The following SCAP variants were observed in gnomAD, a reference collection of about 807,000 sequenced individuals.
SCAP encodes SREBF chaperone.
Under a neutral mutation model 123.6 loss-of-function variants are expected in SCAP, and 65 were observed. That is an observed-to-expected ratio of 0.53 (90% CI 0.43 to 0.65). The LOEUF (loss-of-function observed/expected upper bound fraction) is 0.65. Ranked by LOEUF, SCAP falls within the 30% of genes least tolerant of loss-of-function variation. SCAP has a pLI of 0.00. For missense variants in SCAP, 1,398 were observed against 1,712.5 expected, an observed-to-expected ratio of 0.82 and a Z score of 3.24; for synonymous variants, 740 against 726.3, an observed-to-expected ratio of 1.02 and a Z score of -0.30.
chr3:47,427,592 G>A lies in SCAP; in HGVS notation c.486C>T (p.Asn162=). The A allele has an allele frequency of 6.2e-7, 1 of 1,614,164 alleles. No homozygotes were observed. The highest frequency in any genetic ancestry group is 8.5e-7 in the Non-Finnish European group (1 of 1,180,016). The change falls in exon 5 of 23, where the codon AAC becomes AAT. Residue 162 remains asparagine (N), a synonymous_variant. Transcript: ENST00000265565. ...DLLPGLRKLR[N]LLPEHGCLLL... ...GCAGGCATCCATGCTCAGGGAGTAG[G>A]TTCCTGAGCTTCCTAAGGCCTGGCA...
Position 47,414,944 on chromosome 3 carries a change from G to A in SCAP, c.3189C>T (p.Ser1063=), listed in dbSNP as rs532696783. 3.5e-5 allele frequency: 56 copies of A among 1,611,082 alleles called. No individual in the cohort carries two copies. Among genetic ancestry groups the A allele is most frequent in the Middle Eastern group, 1.7e-4 (1 of 6,050 alleles). ...GGGTCAGGTGACAGGCCACTGTGTC[G>A]CTGCTGCTGTACACTGGAGAGGCAG... ...SSPASPVYSS[S]DTVACHLTHT... Residue 1063 remains serine, a synonymous_variant, in exon 20 of 23, where the codon AGC becomes AGT. Coordinates refer to ENST00000265565, the MANE Select transcript of SCAP (RefSeq NM_012235.4).
Position 47,427,586 on chromosome 3 carries a change from G to T in SCAP, c.492C>A (p.Leu164=), listed in dbSNP as rs771778990. Residue 164 remains leucine, a synonymous_variant, in exon 5 of 23, where the codon CTC becomes CTA. Transcript: ENST00000265565. ...LPGLRKLRNL[L]PEHGCLLLSP... is the part of the protein sequence containing the mutation. ...ACAGCAGCAGGCATCCATGCTCAGG[G>T]AGTAGGTTCCTGAGCTTCCTAAGGC... The T allele has an allele frequency of 6.2e-7, 1 of 1,614,136 alleles. No homozygotes were observed. The highest frequency in any genetic ancestry group is 8.5e-7 in the Non-Finnish European group (1 of 1,180,010).
chr3:47,466,154 A>AAAAAAAAAAAAAG (rs1559571041), intron 1 of SCAP, among the ~76,000 whole-genome samples: 2 of 142,120 alleles, frequency 1.4e-5, no homozygotes, highest in African/African-American at 2.6e-5. Context: ...AAAAAAAAAA[A>AAAAAAAAAAAAAG]AAAGAAAGAA....
rs756683830 is a variant in SCAP at position 47,420,536 on chromosome 3, G to A, written c.1563+18C>T. ...GGCCCTCCAGAAGAGGGCAGGGCAG[G>A]GCAGGGGTGGCAGGTACCATGATGA... On this transcript the variant is annotated intron_variant, in intron 12 of 22. Coordinates refer to ENST00000265565, the MANE Select transcript of SCAP (RefSeq NM_012235.4). This position sits in a 1 kb window ranked among gnomAD's most constrained non-coding sequence, Gnocchi z 5.0. 2 of 1,576,674 alleles carry A rather than the reference G, an allele frequency of 1.3e-6. No homozygotes were observed. The highest frequency in any genetic ancestry group is 1.7e-6 in the Non-Finnish European group (2 of 1,161,246).
At position 47,418,459 on chromosome 3, in the gene SCAP, G is replaced by A. The variant is rs368756779; in HGVS notation, c.2193C>T (p.Arg731=). Residue 731 remains arginine, a synonymous_variant, in exon 15 of 23, where the codon CGC becomes CGT. Coordinates refer to ENST00000265565, the MANE Select transcript of SCAP (RefSeq NM_012235.4). ...GCCCGTAGTTGCGCGGGCATAGCAC[G>A]CGGTAGAGGCAGAGCAGCAGCAGCA... is the stretch of plus-strand genomic sequence containing the variant. The part of the protein sequence containing the change: ...VLVLLLLCLY[R]VLCPRNYGQL... 39 of 1,597,776 alleles carry A rather than the reference G, an allele frequency of 2.4e-5. No individual in the cohort carries two copies. The African/African-American group carries it at 2.9e-4, about 12-fold the overall frequency.
At chr3:47,463,560 G>C (rs1707723522) in intron 1 of SCAP, among the ~76,000 whole-genome samples, 1 of 152,020 alleles carries the variant, frequency 6.6e-6, no homozygotes, top group African/African-American at 2.4e-5. Context: ...AAATTAGCTG[G>C]GTGTGGTAGT....
At chr3:47,433,019 G>A (rs1350752147) in intron 3 of SCAP, among the ~76,000 whole-genome samples, 1 of 152,206 alleles carries the variant, frequency 6.6e-6, no homozygotes, top group Non-Finnish European at 1.5e-5. Flanking sequence ...GAAGCTGCTA[G>A]GGCCACTGTT....
chr3:47,464,451 G>T (rs1418383796), intron 1 of SCAP, among the ~76,000 whole-genome samples: 6 of 151,950 alleles, frequency 3.9e-5, no homozygotes, highest in Non-Finnish European at 8.8e-5. Flanking sequence ...TGCAAGGATG[G>T]TTTAACAAAA....
chr3:47,446,607 C>G (rs1035391368), intron 1 of SCAP, among the ~76,000 whole-genome samples: 1 of 151,946 alleles, frequency 6.6e-6, no homozygotes, highest in Non-Finnish European at 1.5e-5. Flanking sequence ...TAATTTTCCC[C>G]AATGTCTTCT....
Position 47,420,252 on chromosome 3 carries a change from C to T in SCAP, c.1563+302G>A, listed in dbSNP as rs1357119417. Among the ~76,000 whole-genome samples, 1 of 152,212 alleles carries T rather than the reference C, an allele frequency of 6.6e-6. No individual in the cohort carries two copies. The highest frequency in any genetic ancestry group is 6.5e-5 in the Admixed American group (1 of 15,282). The stretch of plus-strand genomic sequence containing the variant: ...AACCCGACCCAGGGCAATGTGGTGG[C>T]CACAAGTGGGTCCATCCCAGAGCAC... On this transcript the variant is annotated intron_variant, in intron 12 of 22. Coordinates refer to ENST00000265565, the MANE Select transcript of SCAP (RefSeq NM_012235.4). The surrounding 1 kb of genome is among the most constrained non-coding windows in gnomAD (Gnocchi z 5.0).
intron 14 of SCAP, 29 bp downstream of exon 14, chr3:47,418,626 T>TGCCCCC: frequency 3.4e-6 from 5 of 1,459,558 alleles, no homozygotes; most frequent in Non-Finnish European, 3.8e-6. Flanking sequence ...CCGCACTCTT[T>TGCCCCC]CCCACCCCAC....
chr3:47,417,942 GGGGAGA>G, intron 16 of SCAP, 116 bp from the exon 17 acceptor site: 1 of 332,598 alleles, frequency 3.0e-6, no homozygotes, highest in East Asian at 6.1e-5. Flanking sequence ...AAGGGGGTGG[GGGGAGA>G]GGGTGGTGCG....
intron 3 of SCAP, among the ~76,000 whole-genome samples, chr3:47,431,892 C>T (rs962366928): frequency 1.3e-5 from 2 of 151,970 alleles, no homozygotes; most frequent in Non-Finnish European, 2.9e-5. Flanking sequence ...ATTTTTTTGC[C>T]CAGGAGATTT....
Position 47,419,273 on chromosome 3 carries a change from G to A in SCAP, c.1940+55C>T. The A allele has an allele frequency of 6.4e-7, 1 of 1,554,140 alleles. No homozygotes were observed. The highest frequency in any genetic ancestry group is 1.2e-5 in the South Asian group (1 of 82,060). ...TGTGGGCCTCCTGCATTGGGGAAAG[G>A]GGATGGTGAGTTGACACCATCGAGT... On this transcript the variant is annotated intron_variant, in intron 13 of 22. Coordinates refer to ENST00000265565, the MANE Select transcript of SCAP (RefSeq NM_012235.4). The surrounding 1 kb of genome is among the most constrained non-coding windows in gnomAD (Gnocchi z 5.0).
chr3:47,417,974 G>A (rs1279055390), intron 16 of SCAP, 148 bp from the exon 17 acceptor site: 3 of 481,328 alleles, frequency 6.2e-6, no homozygotes, highest in Admixed American at 2.7e-5. Context: ...GGGAGAGGGG[G>A]GTACGGGGTG....
chr3:47,420,670 A>G lies in SCAP; in HGVS notation c.1447T>C (p.Ser483Pro), dbSNP rs1705853853. The G allele has an allele frequency of 1.9e-6, 3 of 1,611,854 alleles. No individual in the cohort carries two copies. Among genetic ancestry groups the G allele is most frequent in the Non-Finnish European group, 2.5e-6 (3 of 1,179,956 alleles). ...RYERQLAVRP[S>P]TPHTITLQPS... ...TGCAACGTGATGGTGTGGGGTGTGG[A>G]CGGCCTCACAGCCAGCTGCCGCTCG... The change falls in exon 12 of 23, where the codon TCC (serine) becomes CCC (proline). Residue 483 changes from serine (S) to proline (P), a missense_variant. This residue lies in a region of SCAP where 828 missense variants were observed against 882.5 expected (regional missense o/e 0.94). Coordinates refer to ENST00000265565, the MANE Select transcript of SCAP (RefSeq NM_012235.4). The surrounding 1 kb of genome is among the most constrained non-coding windows in gnomAD (Gnocchi z 5.0).
intron 2 of SCAP, among the ~76,000 whole-genome samples, chr3:47,436,336 A>G (rs1317500817): frequency 6.6e-6 from 1 of 152,206 alleles, no homozygotes; most frequent in African/African-American, 2.4e-5. Context: ...CTTTCATCAA[A>G]AAGTTGGCAA....
chr3:47,473,087 A>AAAAAAC (rs1708124808), intron 1 of SCAP, among the ~76,000 whole-genome samples: 1 of 144,582 alleles, frequency 6.9e-6, no homozygotes, highest in African/African-American at 2.6e-5. Context: ...TCTCAAAAAA[A>AAAAAAC]AAAAAAAAAA....
chr3:47,459,409 A>C (rs1268702527), intron 1 of SCAP, among the ~76,000 whole-genome samples: 1 of 152,194 alleles, frequency 6.6e-6, no homozygotes, highest in Admixed American at 6.6e-5. Flanking sequence ...TTGCGTTACT[A>C]CTTCAATATT....
Sources: gnomAD v4.1 joint callset for allele counts (sites outside exome capture counted in the v4.1 genomes callset) on GRCh38, gnomAD v4.1.1 for gene constraint, gnomAD v4.1.1 regional missense constraint, Gnocchi (gnomAD v3.1) non-coding constraint, MANE v1.5 for transcripts, NCBI Gene and HGNC (gene_info 2026-07-23, HGNC 2026-07-21) for gene names.